The following NLN variants were observed in gnomAD, a reference collection of about 807,000 sequenced individuals.
NLN encodes the protein neurolysin, mitochondrial.
Under a neutral mutation model 79.9 loss-of-function variants are expected in NLN, and 64 were observed. The ratio of observed to expected loss-of-function variants is 0.80; its 90% CI spans 0.65 to 0.99. The LOEUF is 0.99. NLN is among the 50% of genes least tolerant of loss of function. The pLI is 0.00. For missense variants in NLN, 835 were observed against 858.7 expected, an observed-to-expected ratio of 0.97 and a Z score of 0.34; for synonymous variants, 267 against 296.6, an observed-to-expected ratio of 0.90 and a Z score of 1.02.
At chr5:65,759,582 G>T (rs960991248) in intron 2 of NLN, among the ~76,000 whole-genome samples, 4 of 152,160 alleles carry the variant, frequency 2.6e-5, no homozygotes, top group Admixed American at 2.6e-4. Flanking sequence ...TCCAGCTCCA[G>T]TCCGAAGGCC....
Position 65,758,839 on chromosome 5 carries a change from C to G in NLN, c.301+13C>G. On this transcript the variant is annotated intron_variant, in intron 2 of 12. Coordinates refer to ENST00000380985, the MANE Select transcript of NLN (RefSeq NM_020726.5). ...GTAAAGTATATAGGTGGGTCAGATG[C>G]AGAAGCATATCAGTGTTTCACTTTG... The G allele has an allele frequency of 1.2e-6, 2 of 1,600,136 alleles. No homozygotes were observed. Among genetic ancestry groups the G allele is most frequent in the Non-Finnish European group, 1.7e-6 (2 of 1,168,828 alleles).
At chr5:65,735,786 C>T (rs934324014) in intron 1 of NLN, among the ~76,000 whole-genome samples, 13 of 152,014 alleles carry the variant, frequency 8.6e-5, no homozygotes, top group Admixed American at 5.9e-4. Context: ...GCTCTCCCAG[C>T]TTCTCCTCTC....
At chr5:65,784,419 C>T (rs1759870051) in intron 6 of NLN, among the ~76,000 whole-genome samples, 2 of 152,018 alleles carry the variant, frequency 1.3e-5, no homozygotes, top group African/African-American at 2.4e-5. Flanking sequence ...TAACAAAATA[C>T]CACAGACGAA....
chr5:65,788,482 A>C lies in NLN; in HGVS notation c.1323A>C (p.Pro441=). 4 of 1,612,298 alleles carry C rather than the reference A, an allele frequency of 2.5e-6. No individual in the cohort carries two copies. The highest frequency in any genetic ancestry group is 3.4e-6 in the Non-Finnish European group (4 of 1,178,586). Residue 441 remains proline, a splice_region_variant and synonymous_variant, in exon 8 of 13, where the codon CCA becomes CCC. Coordinates refer to ENST00000380985, the MANE Select transcript of NLN (RefSeq NM_020726.5). The stretch of plus-strand genomic sequence containing the variant: ...GACAGTTCTATTTGGACCTCTATCC[A>C]AGGTACTGAGGATCACGTTGTTGGA... ...VLGQFYLDLY[P]REGKYNHAAC... is the part of the protein sequence containing the mutation.
At chr5:65,760,516 A>G (rs986370623) in intron 2 of NLN, among the ~76,000 whole-genome samples, 1 of 152,160 alleles carries the variant, frequency 6.6e-6, no homozygotes, top group Non-Finnish European at 1.5e-5. Context: ...ATACCAACCC[A>G]TAACTTAGGC....
At chr5:65,726,002 C>T (rs1758459047) in intron 1 of NLN, among the ~76,000 whole-genome samples, 1 of 151,870 alleles carries the variant, frequency 6.6e-6, no homozygotes. Context: ...GTCCCAACTA[C>T]TCGGGAGGCT....
chr5:65,768,750 C>G (rs1579935538), intron 3 of NLN, among the ~76,000 whole-genome samples: 1 of 152,178 alleles, frequency 6.6e-6, no homozygotes, highest in African/African-American at 2.4e-5. Flanking sequence ...AGTGTGTGCA[C>G]ATGGCACGGG....
intron 11 of NLN, among the ~76,000 whole-genome samples, chr5:65,810,536 T>C (rs1289058086): frequency 1.3e-5 from 2 of 152,250 alleles, no homozygotes; most frequent in Non-Finnish European, 2.9e-5. Context: ...AAGTTTTTTT[T>C]CCTTTACATA....
At chr5:65,758,854 GTTT>G in intron 2 of NLN, 28 bp downstream of exon 2, 2 of 1,579,716 alleles carry the variant, frequency 1.3e-6, no homozygotes, top group Non-Finnish European at 1.7e-6. Flanking sequence ...GCATATCAGT[GTTT>G]CACTTTGTGG....
chr5:65,763,164 C>T, intron 3 of NLN, 56 bp downstream of exon 3: 10 of 1,457,076 alleles, frequency 6.9e-6, no homozygotes, highest in Non-Finnish European at 8.5e-6. Flanking sequence ...CAAAAAAGAA[C>T]ATTCAGTCAT....
intron 3 of NLN, among the ~76,000 whole-genome samples, chr5:65,772,238 A>G (rs1355111451): frequency 6.6e-6 from 1 of 152,202 alleles, no homozygotes; most frequent in African/African-American, 2.4e-5. Flanking sequence ...TATTGATGTT[A>G]TCTATTAATA....
At chr5:65,777,770 G>A (rs1759712444) in intron 4 of NLN, among the ~76,000 whole-genome samples, 2 of 152,064 alleles carry the variant, frequency 1.3e-5, no homozygotes, top group African/African-American at 2.4e-5. Context: ...AATCTGAAAC[G>A]TTTCAAGCCC....
chr5:65,751,925 G>T (rs1759111352), intron 1 of NLN, among the ~76,000 whole-genome samples: 1 of 152,096 alleles, frequency 6.6e-6, no homozygotes, highest in Non-Finnish European at 1.5e-5. Flanking sequence ...ATGGTATTCT[G>T]TATTATTTCT....
At chr5:65,814,172 T>G (rs1342753492) in intron 12 of NLN, among the ~76,000 whole-genome samples, 1 of 152,164 alleles carries the variant, frequency 6.6e-6, no homozygotes, top group Non-Finnish European at 1.5e-5. Flanking sequence ...AACCTCTCTT[T>G]CCTTGCTTTT....
intron 9 of NLN, among the ~76,000 whole-genome samples, chr5:65,801,564 C>A (rs1017433517): frequency 6.6e-6 from 1 of 152,154 alleles, no homozygotes; most frequent in Non-Finnish European, 1.5e-5. Flanking sequence ...CCAAAGGGCT[C>A]ACAGAGAAAC....
Position 65,758,583 on chromosome 5 carries a change from A to T in NLN, c.58A>T (p.Ile20Phe). The change falls in exon 2 of 13, where the codon ATT (isoleucine) becomes TTT (phenylalanine). Residue 20 changes from isoleucine (I) to phenylalanine (F), a missense_variant. Ile to Phe is a conservative substitution (Grantham distance 21). Transcript: ENST00000380985. ...TCTTTTTAGAGTTGGTGGTTCCAGGATTTTACTCAGAATGACGTTAGGAAG... is the reference window on the plus strand; with the variant it reads ...TCTTTTTAGAGTTGGTGGTTCCAGGTTTTTACTCAGAATGACGTTAGGAAG... ...RSLRRVGGSR[I>F]LLRMTLGREV... 1 of 1,609,696 alleles carries T rather than the reference A, an allele frequency of 6.2e-7. No individual in the cohort carries two copies. The highest frequency in any genetic ancestry group is 8.5e-7 in the Non-Finnish European group (1 of 1,176,306).
At chr5:65,733,332 C>T (rs367966666) in intron 1 of NLN, 3 of 1,425,944 alleles carry the variant, frequency 2.1e-6, no homozygotes, top group African/African-American at 1.6e-5. Context: ...CCAACTCAGG[C>T]TCCTCCTGCC....
chr5:65,739,030 A>ATAAAAT (rs1758813048), intron 1 of NLN, among the ~76,000 whole-genome samples: 1 of 135,068 alleles, frequency 7.4e-6, no homozygotes, highest in African/African-American at 2.7e-5. Flanking sequence ...ATAAATATAT[A>ATAAAAT]ATATATATAT....
chr5:65,779,865 A>G (rs931393258), intron 4 of NLN, among the ~76,000 whole-genome samples: 1 of 152,078 alleles, frequency 6.6e-6, no homozygotes, highest in African/African-American at 2.4e-5. Flanking sequence ...ACAGAAGTCA[A>G]TCTTCATATG....
Sources: allele counts gnomAD v4.1 joint callset (sites outside exome capture counted in the v4.1 genomes callset), GRCh38; gene constraint gnomAD v4.1.1; transcripts MANE v1.5; gene names NCBI Gene and HGNC (gene_info 2026-07-23, HGNC 2026-07-21).